BPIFB6: variants seen among roughly 807,000 people sequenced by gnomAD.
BPIFB6 encodes the protein BPI fold-containing family B member 6.
BPIFB6 carries 47 observed loss-of-function variants against 54.7 expected under a neutral mutation model. The observed-to-expected ratio is 0.86, with a 90% CI of 0.68 to 1.10. BPIFB6 has a LOEUF of 1.10. Among genes scored for constraint, BPIFB6 ranks in the 50% least tolerant of loss-of-function variants. BPIFB6 has a pLI of 0.00. For missense variants in BPIFB6, 603 were observed against 564.1 expected (o/e 1.07, Z -0.70); for synonymous variants, 255 against 225.9 (o/e 1.13, Z -1.16).
chr20:33,037,823 C>T lies in BPIFB6; in HGVS notation c.846+85C>T, dbSNP rs1022503426. The T allele has an allele frequency of 2.7e-6, 4 of 1,489,560 alleles. No homozygotes were observed. In the African/African-American group the frequency reaches 5.6e-5, roughly 21 times the overall value. 92.3% of individuals were successfully genotyped at this position (1,489,560 alleles called of 1,614,324 possible). ...TAGTTTTTCTATCATGAAAATTATC[C>T]TGGCCTTGTGGGCAACACTAGGACT... On this transcript the variant is annotated intron_variant, in intron 8 of 14. Coordinates refer to ENST00000349552, the MANE Select transcript of BPIFB6 (RefSeq NM_174897.2).
intron 9 of BPIFB6, 126 bp downstream of exon 9, chr20:33,039,088 C>A (rs539818981): frequency 4.2e-6 from 5 of 1,181,640 alleles, no homozygotes; most frequent in Admixed American, 2.2e-5. Context: ...GCTGAAACAT[C>A]TTTTCTTCTT....
At chr20:33,038,342 TG>T (rs972502077) in intron 8 of BPIFB6, among the ~76,000 whole-genome samples, 3 of 152,128 alleles carry the variant, frequency 2.0e-5, no homozygotes, top group Non-Finnish European at 4.4e-5. Flanking sequence ...CATTCATCCA[TG>T]TACCTTTCCA....
At chr20:33,035,751 C>T (rs1979311014) in intron 6 of BPIFB6, 79 bp downstream of exon 6, 3 of 1,415,924 alleles carry the variant, frequency 2.1e-6, no homozygotes, top group Non-Finnish European at 3.0e-6. Flanking sequence ...ATTCCCCATC[C>T]TAGTGCCTGC....
chr20:33,035,112 G>A lies in BPIFB6; in HGVS notation c.484G>A (p.Asp162Asn). The A allele has an allele frequency of 6.2e-7, 1 of 1,613,804 alleles. No homozygotes were observed. Among genetic ancestry groups the A allele is most frequent in the Non-Finnish European group, 8.5e-7 (1 of 1,179,984 alleles). ...MLPKMVNKFLDSTLHKVLPGL... is the reference protein window; with the variant it reads ...MLPKMVNKFLNSTLHKVLPGL... ...CCCCAAGATGGTCAACAAGTTCCTG[G>A]ACAGCACCCTGCACAAAGTCCTCCC... Residue 162 changes from aspartate (D) to asparagine (N), a missense_variant, in exon 5 of 15, where the codon GAC (aspartate) becomes AAC (asparagine). Coordinates refer to ENST00000349552, the MANE Select transcript of BPIFB6 (RefSeq NM_174897.2).
rs777309043 is a variant in BPIFB6 at position 33,034,802 on chromosome 20, C to T, written c.342C>T (p.Asn114=). ...GGNMEIIVAL[N]ITATNRLLRD... The stretch of plus-strand genomic sequence containing the variant: ...ACATGGAGATCATCGTGGCCCTGAA[C>T]ATCACAGCCACCAACCGGCTTCTGC... Residue 114 remains asparagine (N), a synonymous_variant, in exon 4 of 15, where the codon AAC becomes AAT. Transcript: ENST00000349552. The T allele has an allele frequency of 6.2e-7, 1 of 1,613,770 alleles. No homozygotes were observed. Among genetic ancestry groups the T allele is most frequent in the Admixed American group, 1.7e-5 (1 of 60,016 alleles).
At chr20:33,043,013 T>C in intron 13 of BPIFB6, 135 bp downstream of exon 13, 2 of 789,322 alleles carry the variant, frequency 2.5e-6, no homozygotes, top group South Asian at 3.5e-5. Context: ...AGATAATTGC[T>C]GAATCTTTGA....
chr20:33,038,342 T>G (rs1600525757), intron 8 of BPIFB6, among the ~76,000 whole-genome samples: 1 of 152,246 alleles, frequency 6.6e-6, no homozygotes, highest in East Asian at 1.9e-4. Flanking sequence ...CATTCATCCA[T>G]GTACCTTTCC....
chr20:33,035,568 TC>T (rs1379972723), intron 5 of BPIFB6, 43 bp from the exon 6 acceptor site: 1 of 1,593,476 alleles, frequency 6.3e-7, no homozygotes, highest in Non-Finnish European at 8.6e-7. Flanking sequence ...GTGGAGGCTC[TC>T]CATGCAGGGA....
chr20:33,037,416 G>A lies in BPIFB6; in HGVS notation c.670-146G>A. 5.1e-6 allele frequency: 4 copies of A among 783,316 alleles called. No homozygotes were observed. In the South Asian group the frequency reaches 7.5e-5, roughly 15 times the overall value. The allele number at this position is 783,316 out of a possible 1,614,324, so 48.5% of individuals were successfully genotyped here. ...TGTACACTGGGAGGTTTGGCCCACT[G>A]TAGCCCATTGTGGTTCTCTTAATAA... On this transcript the variant is annotated intron_variant, in intron 7 of 14. Transcript: ENST00000349552.
chr20:33,040,809 C>A (rs993182268), intron 11 of BPIFB6, among the ~76,000 whole-genome samples: 1 of 152,198 alleles, frequency 6.6e-6, no homozygotes, highest in South Asian at 2.1e-4. Context: ...GTACTACAAA[C>A]AACTTAGCTT....
chr20:33,040,561 C>T (rs1237571384), intron 11 of BPIFB6, among the ~76,000 whole-genome samples: 1 of 152,250 alleles, frequency 6.6e-6, no homozygotes, highest in Non-Finnish European at 1.5e-5. Flanking sequence ...CACTCTTCCC[C>T]TAGGCTCTTT....
At chr20:33,041,877 G>A in intron 11 of BPIFB6, 93 bp from the exon 12 acceptor site, 1 of 1,157,718 alleles carries the variant, frequency 8.6e-7, no homozygotes, top group Non-Finnish European at 1.3e-6. Flanking sequence ...GGAGGCGTTG[G>A]GGTGCTTGGG....
At chr20:33,042,981 G>T in intron 13 of BPIFB6, 103 bp downstream of exon 13, 1 of 1,046,370 alleles carries the variant, frequency 9.6e-7, no homozygotes. Context: ...GGCCCAGATG[G>T]GGGAAGCTAA....
chr20:33,043,401 C>G, intron 14 of BPIFB6, 34 bp downstream of exon 14: 1 of 1,580,156 alleles, frequency 6.3e-7, no homozygotes, highest in Non-Finnish European at 8.7e-7. Context: ...TCATGTCAAT[C>G]AACACTGTCA....
chr20:33,035,281 C>A, intron 5 of BPIFB6, 137 bp downstream of exon 5: 2 of 902,082 alleles, frequency 2.2e-6, no homozygotes, highest in Non-Finnish European at 3.4e-6. Context: ...GTGGCTGGCT[C>A]AGTGGAAGAA....
At chr20:33,034,343 T>A (rs892197124) in intron 3 of BPIFB6, 53 bp downstream of exon 3, 17 of 1,215,008 alleles carry the variant, frequency 1.4e-5, no homozygotes, top group Non-Finnish European at 2.0e-5. Flanking sequence ...TCCTGTCTCA[T>A]CCTTACATGC....
At chr20:33,031,782 C>A (rs375188339) in intron 1 of BPIFB6, 38 bp downstream of exon 1, 2 of 1,576,498 alleles carry the variant, frequency 1.3e-6, no homozygotes, top group South Asian at 1.1e-5. Context: ...AGCTGGGAGG[C>A]GGTGCTTGGG....
At position 33,040,262 on chromosome 20, in the gene BPIFB6, G is replaced by A. The variant is rs773942822; in HGVS notation, c.1086G>A (p.Leu362=). 11 of 1,614,128 alleles carry A rather than the reference G, an allele frequency of 6.8e-6. No homozygotes were observed. The highest frequency in any genetic ancestry group is 9.3e-6 in the Non-Finnish European group (11 of 1,180,018). ...SLFLLEVHFN[L]KVQYSVHENQ... ...CCCCACCATGCCAGCACTTCAATCT[G>A]AAGGTCCAGTACTCAGTGCATGAGA... The change falls in exon 11 of 15, where the codon CTG becomes CTA. Residue 362 remains leucine, a synonymous_variant. Coordinates refer to ENST00000349552, the MANE Select transcript of BPIFB6 (RefSeq NM_174897.2).
At chr20:33,036,674 A>G (rs1168043946) in intron 7 of BPIFB6, 138 bp downstream of exon 7, 1 of 801,076 alleles carries the variant, frequency 1.2e-6, no homozygotes, top group Non-Finnish European at 2.1e-6. Flanking sequence ...GGCCAATGCC[A>G]TGTGGGTGTT....
Sources: gnomAD v4.1 joint callset for allele counts (sites outside exome capture counted in the v4.1 genomes callset) on GRCh38, gnomAD v4.1.1 for gene constraint, MANE v1.5 for transcripts, NCBI Gene and HGNC (gene_info 2026-07-23, HGNC 2026-07-21) for gene names.